TYW1B: variants seen among roughly 807,000 people sequenced by gnomAD.
The protein encoded by TYW1B is tRNA-yW synthesizing protein 1 homolog B.
In TYW1B, 73 loss-of-function variants were observed where a neutral mutation model predicts 86.9. That is an observed-to-expected ratio of 0.84 (90% confidence interval 0.70 to 1.02). The LOEUF is 1.02. Among genes scored for constraint, TYW1B ranks in the 50% least tolerant of loss-of-function variants. The pLI is 0.00. For missense variants in TYW1B, 637 were observed against 827.4 expected (o/e 0.77, Z 2.82); for synonymous variants, 248 against 292.8 (o/e 0.85, Z 1.56).
chr7:72,653,905 C>T (rs181358128), intron 11 of TYW1B, among the ~76,000 whole-genome samples: 3 of 152,050 alleles, frequency 2.0e-5, no homozygotes, highest in Non-Finnish European at 4.4e-5. Flanking sequence ...CATAGCTGAA[C>T]CCTGTCTCTA....
chr7:72,587,986 C>A (rs1811312767), intron 13 of TYW1B, among the ~76,000 whole-genome samples: 1 of 152,098 alleles, frequency 6.6e-6, no homozygotes, highest in African/African-American at 2.4e-5. Context: ...CCCAGATTTA[C>A]CAAAATTTGT....
At chr7:72,603,156 AGATGATAGAAGATGGATG>A (rs1811711759) in intron 13 of TYW1B, among the ~76,000 whole-genome samples, 1 of 148,728 alleles carries the variant, frequency 6.7e-6, no homozygotes, top group Non-Finnish European at 1.5e-5. Context: ...ACAGATGGAT[AGATGATAGAAGATGGATG>A]GATGGATAGA....
intron 13 of TYW1B, among the ~76,000 whole-genome samples, chr7:72,610,532 C>G (rs1811908236): frequency 6.6e-6 from 1 of 152,042 alleles, no homozygotes; most frequent in African/African-American, 2.4e-5. Flanking sequence ...TCACCACTCT[C>G]ATTCATCACA....
intron 11 of TYW1B, among the ~76,000 whole-genome samples, chr7:72,659,695 C>T (rs187681867): frequency 6.6e-6 from 1 of 152,022 alleles, no homozygotes; most frequent in Non-Finnish European, 1.5e-5. Flanking sequence ...AGGGAGGATA[C>T]AATGATATGC....
intron 6 of TYW1B, among the ~76,000 whole-genome samples, chr7:72,801,265 G>T (rs1433748378): frequency 2.0e-5 from 3 of 152,020 alleles, no homozygotes; most frequent in Non-Finnish European, 4.4e-5. Flanking sequence ...GGAGGCAGAG[G>T]TTGCAGTGAG....
intron 8 of TYW1B, among the ~76,000 whole-genome samples, chr7:72,735,603 C>T (rs1787183633): frequency 6.8e-6 from 1 of 147,510 alleles, no homozygotes; most frequent in Non-Finnish European, 1.5e-5. Flanking sequence ...AGTGCAGTGG[C>T]TCAAGCCTGT....
chr7:72,762,733 C>T (rs1787705257), intron 7 of TYW1B, among the ~76,000 whole-genome samples: 1 of 152,152 alleles, frequency 6.6e-6, no homozygotes, highest in East Asian at 1.9e-4. Flanking sequence ...GATCTTGGCT[C>T]ACTGCAACCT....
At chr7:72,768,337 C>A (rs1225732236) in intron 7 of TYW1B, among the ~76,000 whole-genome samples, 3 of 152,102 alleles carry the variant, frequency 2.0e-5, no homozygotes, top group Non-Finnish European at 4.4e-5. Flanking sequence ...GCCACTGACC[C>A]CCCGAAGAGC....
At chr7:72,601,343 AAAAAAAAAAC>A (rs1811660850) in intron 13 of TYW1B, among the ~76,000 whole-genome samples, 1 of 150,164 alleles carries the variant, frequency 6.7e-6, no homozygotes, top group African/African-American at 2.4e-5. Context: ...CTAAACCTCA[AAAAAAAAAAC>A]AAAAAAAACC....
chr7:72,675,216 T>C (rs1316052767), intron 11 of TYW1B, among the ~76,000 whole-genome samples: 4 of 151,966 alleles, frequency 2.6e-5, no homozygotes, highest in Admixed American at 6.6e-5. Flanking sequence ...CTGGCCAACA[T>C]GGTGAAACCC....
intron 13 of TYW1B, among the ~76,000 whole-genome samples, chr7:72,578,339 T>A (rs1415025829): frequency 1.4e-4 from 22 of 152,060 alleles, no homozygotes; most frequent in Admixed American, 1.3e-4. Context: ...ATGGTCTCGA[T>A]CTCCTGACCT....
intron 9 of TYW1B, among the ~76,000 whole-genome samples, chr7:72,725,272 T>A (rs562730485): frequency 1.1e-4 from 16 of 152,132 alleles, no homozygotes; most frequent in Admixed American, 2.0e-4. Context: ...AGGAAGGACA[T>A]CCCAGCAGAA....
chr7:72,703,016 ATATATATATAT>A (rs1457024577), intron 10 of TYW1B, among the ~76,000 whole-genome samples: 281 of 17,664 alleles, frequency 0.016, 12 homozygotes, highest in African/African-American at 0.033. Context: ...ATATATATAT[ATATATATATAT>A]TTTTTTTTTT....
At chr7:72,776,899 G>T (rs1430008314) in intron 7 of TYW1B, among the ~76,000 whole-genome samples, 1 of 151,884 alleles carries the variant, frequency 6.6e-6, no homozygotes, top group African/African-American at 2.4e-5. Flanking sequence ...TCTCTGCATT[G>T]CCAGAACTGT....
In TYW1B at chr7:72,826,867, G is replaced by A. The variant is rs781829149; in HGVS notation, c.123C>T (p.Val41=). 4 of 1,611,986 alleles carry A rather than the reference G, an allele frequency of 2.5e-6. No individual in the cohort carries two copies. In the East Asian group the frequency reaches 6.7e-5, roughly 27 times the overall value. ...TAACTCCACTTACCTGCATCTCGAT[G>A]ACAATCTGGACACAAATCCAAAGGC... ...SISLWICVQI[V]IEMQGFATVL... is the part of the protein sequence containing the mutation. The change falls in exon 2 of 14, where the codon GTC becomes GTT. Residue 41 remains valine (V), a synonymous_variant. Transcript: ENST00000620995.
At chr7:72,682,907 T>C (rs1813910793) in intron 11 of TYW1B, among the ~76,000 whole-genome samples, 1 of 152,112 alleles carries the variant, frequency 6.6e-6, no homozygotes, top group South Asian at 2.1e-4. Context: ...TTAGGGGCCC[T>C]ACACTTTTGT....
At chr7:72,668,562 T>A (rs1585889487) in intron 11 of TYW1B, among the ~76,000 whole-genome samples, 1 of 152,138 alleles carries the variant, frequency 6.6e-6, no homozygotes, top group East Asian at 1.9e-4. Flanking sequence ...CCACTCCCCA[T>A]CCGACCCCAT....
Position 72,766,613 on chromosome 7 carries a change from C to CAAA in TYW1B, c.964+10800_964+10802dup, listed in dbSNP as rs56738770. On this transcript the variant is annotated intron_variant, in intron 7 of 13. Coordinates refer to ENST00000620995, the MANE Select transcript of TYW1B (RefSeq NM_001145440.3). ...TGGGCAACAGAGTGAGATTCAGTCT[C>CAAA]AAAAAAAAAAAAAAAAAAAACATAA... Among the ~76,000 whole-genome samples the CAAA allele has an allele frequency of 5.7e-3, 475 of 82,728 alleles. 17 individuals carry two copies. Among genetic ancestry groups the CAAA allele is most frequent in the African/African-American group, 0.02 (386 of 19,366 alleles). 54.3% of individuals were successfully genotyped at this position (82,728 alleles called of 152,430 possible). A position where few individuals can be genotyped will look rare whatever the true frequency, so the allele number is the denominator to read the frequency against.
intron 11 of TYW1B, among the ~76,000 whole-genome samples, chr7:72,653,303 A>G (rs1205049843): frequency 6.6e-6 from 1 of 152,204 alleles, no homozygotes; most frequent in African/African-American, 2.4e-5. Flanking sequence ...GACACAAATT[A>G]CCAATATCAA....
Sources: gnomAD v4.1 joint callset for allele counts (sites outside exome capture counted in the v4.1 genomes callset) on GRCh38, gnomAD v4.1.1 for gene constraint, MANE v1.5 for transcripts, NCBI Gene and HGNC (gene_info 2026-07-23, HGNC 2026-07-21) for gene names.